Variants in LPP observed in about 807,000 individuals in gnomAD.
LPP encodes lipoma-preferred partner.
A neutral mutation model predicts 60.4 loss-of-function variants in LPP; 38 were observed. The ratio of observed to expected loss-of-function variants is 0.63; its 90% CI spans 0.49 to 0.83. The LOEUF (loss-of-function observed/expected upper bound fraction) is 0.83, where lower values mean the gene tolerates loss of function less well. Ranked by LOEUF, LPP falls within the 40% of genes least tolerant of loss-of-function variation. LPP has a pLI of 0.00. For synonymous variants in LPP, 328 were observed against 290.8 expected (o/e 1.13, Z -1.30); for missense variants, 902 against 783.6 (o/e 1.15, Z -1.80).
intron 5 of LPP, among the ~76,000 whole-genome samples, chr3:188,505,855 A>G (rs1813301553): frequency 6.6e-6 from 1 of 152,164 alleles, no homozygotes; most frequent in African/African-American, 2.4e-5. Context: ...TTTAAAAAAT[A>G]TTATTTTCTT....
rs144318751 is a variant in LPP at position 188,813,475 on chromosome 3, G to A, written c.1411-52725G>A. On this transcript the variant is annotated intron_variant, in intron 9 of 11. Coordinates refer to ENST00000617246, the MANE Select transcript of LPP (RefSeq NM_001375462.1). The stretch of plus-strand genomic sequence containing the variant: ...GGTTATCATAAATTAAAAGGCTACG[G>A]GTAGTGATAAAATTTTATTCCAGGT... 6.8e-3 allele frequency among the ~76,000 whole-genome samples: 1,029 copies of A among 152,176 alleles called. 12 individuals are homozygous for A. Among genetic ancestry groups the A allele is most frequent in the African/African-American group, 0.024 (992 of 41,522 alleles).
intron 8 of LPP, among the ~76,000 whole-genome samples, chr3:188,742,742 A>G (rs1053847339): frequency 7.9e-5 from 12 of 152,194 alleles, no homozygotes; most frequent in African/African-American, 2.9e-4. Context: ...TAATGGAGGC[A>G]GTTACAAAGT....
intron 3 of LPP, among the ~76,000 whole-genome samples, chr3:188,380,774 C>T (rs769060325): frequency 6.6e-6 from 1 of 152,232 alleles, no homozygotes; most frequent in Non-Finnish European, 1.5e-5. Flanking sequence ...AGATGGATTG[C>T]ATCCCTGTAA....
At chr3:188,571,932 G>A (rs563080538) in intron 6 of LPP, among the ~76,000 whole-genome samples, 22 of 152,152 alleles carry the variant, frequency 1.4e-4, no homozygotes, top group African/African-American at 4.8e-4. Context: ...TTACTGTTAC[G>A]TGGTAATCAT....
At chr3:188,866,098 G>A in intron 9 of LPP, 102 bp from the exon 10 acceptor site, 4 of 861,666 alleles carry the variant, frequency 4.6e-6, no homozygotes, top group African/African-American at 3.5e-5. Context: ...CCTTAGAGTG[G>A]TGTGATAAGG....
Position 188,592,563 on chromosome 3 carries a change from T to TTTTTTTTTTTTTTTTTTTTTTTTTTTTGG in LPP, c.430-16598_430-16597insTTTTTTTTTTTTTTTTTTTTTTTTTTTGG. On this transcript the variant is annotated intron_variant, in intron 6 of 11. Transcript: ENST00000617246. ...TGTTTTTAGTTTTGTTTTTGTTTTT[T>TTTTTTTTTTTTTTTTTTTTTTTTTTTTGG]AAATGGAGTCTCACTCTTTCTCCCA... 1.4e-3 allele frequency among the ~76,000 whole-genome samples: 105 copies of TTTTTTTTTTTTTTTTTTTTTTTTTTTTGG among 77,232 alleles called. 12 individuals are homozygous for TTTTTTTTTTTTTTTTTTTTTTTTTTTTGG. The highest frequency in any genetic ancestry group is 2.2e-3 in the Non-Finnish European group (79 of 36,192). The allele number at this position is 77,232 out of a possible 152,430, so 50.7% of individuals were successfully genotyped here.
intron 8 of LPP, among the ~76,000 whole-genome samples, chr3:188,720,432 A>AT (rs1376415074): frequency 6.6e-6 from 1 of 152,124 alleles, no homozygotes; most frequent in Non-Finnish European, 1.5e-5. Context: ...GGTTCAGAGG[A>AT]TTTTGCCACT....
intron 4 of LPP, among the ~76,000 whole-genome samples, chr3:188,429,679 A>G (rs1279714257): frequency 2.6e-5 from 4 of 152,184 alleles, no homozygotes; most frequent in African/African-American, 9.6e-5. Context: ...CTTTCATAAT[A>G]GAGATATGTC....
intron 9 of LPP, among the ~76,000 whole-genome samples, chr3:188,803,375 T>G (rs934238312): frequency 6.6e-6 from 1 of 152,200 alleles, no homozygotes; most frequent in Non-Finnish European, 1.5e-5. Flanking sequence ...TTCTGTTATG[T>G]TCATGAGGTT....
intron 2 of LPP, among the ~76,000 whole-genome samples, chr3:188,279,590 C>T (rs191143963): frequency 2.6e-3 from 398 of 152,264 alleles, no homozygotes; most frequent in African/African-American, 4.0e-3. Flanking sequence ...AGTAAGATAG[C>T]GAGTGGAGCT....
intron 10 of LPP, among the ~76,000 whole-genome samples, chr3:188,871,188 G>A (rs2152036872): frequency 6.6e-6 from 1 of 152,260 alleles, no homozygotes; most frequent in Admixed American, 6.5e-5. Context: ...ACACTGAAAA[G>A]GAAAACATAC....
chr3:188,609,929 A>AGT lies in LPP; in HGVS notation c.1113+94_1113+95dup. 7.8e-7 allele frequency: 1 copy of AGT among 1,289,370 alleles called. No individual in the cohort carries two copies. The highest frequency in any genetic ancestry group is 1.1e-6 in the Non-Finnish European group (1 of 932,066). 79.9% of individuals were successfully genotyped at this position (1,289,370 alleles called of 1,614,324 possible). A position where few individuals can be genotyped will look rare whatever the true frequency, so the allele number is the denominator to read the frequency against. On this transcript the variant is annotated intron_variant, in intron 7 of 11. Transcript: ENST00000617246. This position sits in a 1 kb window ranked among gnomAD's most constrained non-coding sequence, Gnocchi z 6.9. ...CCCAGGAAGCGAAGCCTAAGGCAAA[A>AGT]GTGTGTGTGTTACTTTTATTTCACT...
intron 6 of LPP, among the ~76,000 whole-genome samples, chr3:188,576,304 G>C (rs755859481): frequency 6.6e-6 from 1 of 152,120 alleles, no homozygotes; most frequent in South Asian, 2.1e-4. Context: ...TACCAGGTTG[G>C]AGGAAAGGAC....
chr3:188,371,628 TATA>T, intron 3 of LPP, among the ~76,000 whole-genome samples: 1 of 28,428 alleles, frequency 3.5e-5, no homozygotes, highest in African/African-American at 7.9e-5. Context: ...TATATATATA[TATA>T]TATATATATA....
chr3:188,406,017 C>G lies in LPP; in HGVS notation c.-9-95C>G, dbSNP rs113149532. On this transcript the variant is annotated intron_variant, in intron 3 of 11. Transcript: ENST00000617246. ...CTTTCCAGAGAACTTTATCAGGATG[C>G]ATTTAGTATGGATTAAGGTGAAATA... The G allele has an allele frequency of 2.3e-4, 241 of 1,026,648 alleles. 1 individual carries two copies. The African/African-American group carries it at 3.4e-3, about 15-fold the overall frequency. The allele number at this position is 1,026,648 out of a possible 1,614,324, so 63.6% of individuals were successfully genotyped here.
intron 7 of LPP, among the ~76,000 whole-genome samples, chr3:188,681,436 T>A (rs1420033205): frequency 1.3e-5 from 2 of 152,186 alleles, no homozygotes; most frequent in African/African-American, 4.8e-5. Context: ...AGGAAGAGCC[T>A]TTCCCTCCAA....
At chr3:188,292,615 A>G (rs1245660072) in intron 2 of LPP, among the ~76,000 whole-genome samples, 1 of 152,224 alleles carries the variant, frequency 6.6e-6, no homozygotes, top group African/African-American at 2.4e-5. Context: ...TCTCTTACAC[A>G]CATGGTACCC....
rs147322439 is a variant in LPP, at chr3:188,797,992, G to C, written c.1410+37710G>C. Among the ~76,000 whole-genome samples the C allele has an allele frequency of 3.6e-3, 543 of 152,278 alleles. 2 individuals are homozygous for C. The highest frequency in any genetic ancestry group is 4.8e-3 in the Non-Finnish European group (328 of 68,020). ...GAACCTTCTGAATTTTCCACCAGGA[G>C]AATGGGAATGAATAAGTAAGAAAAC... On this transcript the variant is annotated intron_variant, in intron 9 of 11. Coordinates refer to ENST00000617246, the MANE Select transcript of LPP (RefSeq NM_001375462.1).
chr3:188,300,771 G>T lies in LPP; in HGVS notation c.-66-40892G>T, dbSNP rs113083009. ...ACTTTTTATTTTCTCTTCATAGAAG[G>T]ATACAATAGATTTGTTTTGCTCAAA... On this transcript the variant is annotated intron_variant, in intron 2 of 11. Coordinates refer to ENST00000617246, the MANE Select transcript of LPP (RefSeq NM_001375462.1). Among the ~76,000 whole-genome samples the T allele has an allele frequency of 3.8e-4, 58 of 152,222 alleles. 1 individual carries two copies. Among genetic ancestry groups the T allele is most frequent in the African/African-American group, 1.3e-3 (56 of 41,540 alleles).
Sources: allele counts gnomAD v4.1 joint callset (sites outside exome capture counted in the v4.1 genomes callset), GRCh38; gene constraint gnomAD v4.1.1; non-coding constraint Gnocchi (gnomAD v3.1); transcripts MANE v1.5; gene names NCBI Gene and HGNC (gene_info 2026-07-23, HGNC 2026-07-21).